FBXL13: variants seen among roughly 807,000 people sequenced by gnomAD.
FBXL13 encodes the protein F-box and leucine-rich repeat protein 13.
FBXL13 carries 67 observed loss-of-function variants against 83.6 expected under a neutral mutation model. That is an observed-to-expected ratio of 0.80 (90% CI 0.66 to 0.98). FBXL13 has a LOEUF of 0.98. FBXL13 is among the 50% of genes least tolerant of loss of function. The pLI is 0.00. For missense variants in FBXL13, 822 were observed against 866.5 expected (o/e 0.95, Z 0.64); for synonymous variants, 272 against 299.5 (o/e 0.91, Z 0.95).
At chr7:102,975,038 C>T (rs923620075) in intron 6 of FBXL13, among the ~76,000 whole-genome samples, 2 of 152,136 alleles carry the variant, frequency 1.3e-5, no homozygotes, top group African/African-American at 4.8e-5. Context: ...ATCAACTTAA[C>T]CCTCCTTCCC....
At chr7:102,967,227 G>C (rs1826064417) in intron 7 of FBXL13, among the ~76,000 whole-genome samples, 1 of 151,700 alleles carries the variant, frequency 6.6e-6, no homozygotes, top group Non-Finnish European at 1.5e-5. Flanking sequence ...CAGAGTGCTT[G>C]GATTATAGGC....
chr7:102,901,748 T>TG (rs749415850), intron 11 of FBXL13, among the ~76,000 whole-genome samples: 4 of 152,274 alleles, frequency 2.6e-5, no homozygotes, highest in Non-Finnish European at 5.9e-5. Context: ...TCCCTGTTGT[T>TG]GCAAATGACT....
intron 18 of FBXL13, 179 bp from the exon 20 acceptor site, chr7:102,822,382 C>T (rs1475109509): frequency 1.4e-6 from 1 of 711,150 alleles, no homozygotes; most frequent in Non-Finnish European, 2.5e-6. Flanking sequence ...GATAGAGGTA[C>T]CTGCAATTGG....
At chr7:103,012,816 G>A (rs1422188470) in intron 6 of FBXL13, among the ~76,000 whole-genome samples, 3 of 152,202 alleles carry the variant, frequency 2.0e-5, no homozygotes, top group African/African-American at 7.2e-5. Flanking sequence ...TACTAATCTT[G>A]AATGTAAATG....
chr7:102,830,739 G>C (rs1158911619), intron 18 of FBXL13, among the ~76,000 whole-genome samples: 1 of 152,152 alleles, frequency 6.6e-6, no homozygotes, highest in African/African-American at 2.4e-5. Flanking sequence ...GAGTTGGTGT[G>C]ATGCTGTAGT....
chr7:102,832,944 G>A (rs1800978843), exon 18 of FBXL13: 1 of 1,614,188 alleles, frequency 6.2e-7, no homozygotes, highest in South Asian at 1.1e-5. Context: ...ACATCCAAAT[G>A]TTCCAAGATC....
chr7:102,955,840 T>C (rs1277238792), intron 8 of FBXL13, among the ~76,000 whole-genome samples: 4 of 152,004 alleles, frequency 2.6e-5, no homozygotes, highest in African/African-American at 7.2e-5. Flanking sequence ...CAGGAAGAAG[T>C]TGAATCTCTG....
At chr7:103,011,847 T>C (rs574180722) in intron 6 of FBXL13, among the ~76,000 whole-genome samples, 138 of 152,190 alleles carry the variant, frequency 9.1e-4, no homozygotes, top group African/African-American at 3.2e-3. Context: ...TATGGGATTA[T>C]GTAAACAGAC....
In FBXL13 at chr7:102,993,601, G is replaced by GA. The variant is rs796232172; in HGVS notation, c.496-25485dup. Among the ~76,000 whole-genome samples, 857 of 143,604 alleles carry GA rather than the reference G, an allele frequency of 6.0e-3. 6 individuals are homozygous for GA. Among genetic ancestry groups the GA allele is most frequent in the African/African-American group, 0.017 (683 of 39,350 alleles). 94.2% of individuals were successfully genotyped at this position (143,604 alleles called of 152,430 possible). A position where few individuals can be genotyped will look rare whatever the true frequency, so the allele number is the denominator to read the frequency against. On this transcript the variant is annotated intron_variant, in intron 6 of 19. Transcript: ENST00000313221. ...TGTTGCTTGCCAAACTACACAGAAG[G>GA]AAAAAAAAAAACCAAACTTGTATTT... is the stretch of plus-strand genomic sequence containing the variant.
At chr7:102,856,741 A>G (rs572539162) in intron 16 of FBXL13, among the ~76,000 whole-genome samples, 1 of 152,318 alleles carries the variant, frequency 6.6e-6, no homozygotes, top group South Asian at 2.1e-4. Context: ...TACAGATAAT[A>G]AAATGCATTG....
chr7:102,997,285 C>G (rs1308766755), intron 6 of FBXL13, among the ~76,000 whole-genome samples: 1 of 152,090 alleles, frequency 6.6e-6, no homozygotes, highest in Non-Finnish European at 1.5e-5. Flanking sequence ...AGTAATTTCT[C>G]TTTTAAAATG....
At chr7:102,819,159 GTCTT>G (rs1168387520) in intron 19 of FBXL13, among the ~76,000 whole-genome samples, 5 of 152,092 alleles carry the variant, frequency 3.3e-5, no homozygotes, top group African/African-American at 1.2e-4. Flanking sequence ...CATTGTGAGG[GTCTT>G]TCTTCCTCTC....
chr7:103,017,222 A>G (rs1255972932), intron 6 of FBXL13, among the ~76,000 whole-genome samples: 3 of 151,882 alleles, frequency 2.0e-5, no homozygotes, highest in Admixed American at 6.6e-5. Flanking sequence ...CAGTGTCTGG[A>G]GTGGACCTCC....
chr7:102,997,953 T>G (rs547573761), intron 6 of FBXL13, among the ~76,000 whole-genome samples: 1 of 152,324 alleles, frequency 6.6e-6, no homozygotes, highest in African/African-American at 2.4e-5. Flanking sequence ...TGCTGGATCA[T>G]ATGGCAATTC....
intron 2 of FBXL13, among the ~76,000 whole-genome samples, chr7:103,044,468 A>G (rs917783713): frequency 7.2e-5 from 11 of 152,242 alleles, no homozygotes; most frequent in African/African-American, 9.6e-5. Context: ...AGACAGTGGC[A>G]CTGTGTTTCT....
intron 6 of FBXL13, among the ~76,000 whole-genome samples, chr7:103,017,595 C>T (rs369983599): frequency 3.9e-4 from 60 of 152,272 alleles, no homozygotes; most frequent in South Asian, 2.3e-3. Context: ...AGATGAATAG[C>T]TAACTAGAAT....
intron 6 of FBXL13, among the ~76,000 whole-genome samples, chr7:103,024,233 AT>A (rs1293361187): frequency 6.6e-6 from 1 of 150,530 alleles, no homozygotes; most frequent in East Asian, 2.0e-4. Context: ...AAGCTTTAAA[AT>A]TTCTGTCATC....
chr7:102,885,637 T>C (rs76841373), intron 11 of FBXL13, among the ~76,000 whole-genome samples: 1 of 152,200 alleles, frequency 6.6e-6, no homozygotes, highest in Non-Finnish European at 1.5e-5. Context: ...GTTCAGTTTA[T>C]CTATTTTTTC....
At chr7:103,060,378 C>G (rs1304923189) in intron 1 of FBXL13, among the ~76,000 whole-genome samples, 1 of 152,034 alleles carries the variant, frequency 6.6e-6, no homozygotes, top group Non-Finnish European at 1.5e-5. Context: ...AACCATTCCA[C>G]TGTTAATTAT....
Sources: gnomAD v4.1 joint callset for allele counts (sites outside exome capture counted in the v4.1 genomes callset) on GRCh38, gnomAD v4.1.1 for gene constraint, MANE v1.5 for transcripts, NCBI Gene and HGNC (gene_info 2026-07-23, HGNC 2026-07-21) for gene names.